Variants in SNX30 observed in about 807,000 individuals in gnomAD.
SNX30 encodes the protein sorting nexin-30.
A neutral mutation model predicts 46.4 loss-of-function variants in SNX30; 24 were observed. The ratio of observed to expected loss-of-function variants is 0.52; its 90% CI spans 0.37 to 0.73. The LOEUF is 0.73. Ranked by LOEUF, SNX30 falls within the 30% of genes least tolerant of loss-of-function variation. SNX30 has a pLI of 0.00. For synonymous variants in SNX30, 189 were observed against 211.5 expected (o/e 0.89, Z 0.92); for missense variants, 533 against 555.7 (o/e 0.96, Z 0.41).
At chr9:112,756,386 C>T (rs1254230576) in intron 1 of SNX30, among the ~76,000 whole-genome samples, 4 of 150,416 alleles carry the variant, frequency 2.7e-5, no homozygotes, top group African/African-American at 9.8e-5. Flanking sequence ...GCTGATCTGT[C>T]CAACTCTCCA....
chr9:112,819,266 C>CTTTTTTTTTT (rs35138610), intron 3 of SNX30, among the ~76,000 whole-genome samples: 112 of 116,934 alleles, frequency 9.6e-4, no homozygotes, highest in Non-Finnish European at 1.2e-3. Context: ...TTCTTTCTTT[C>CTTTTTTTTTT]TTTTTTTTTT....
chr9:112,861,810 A>G (rs1394382955), intron 7 of SNX30, among the ~76,000 whole-genome samples: 5 of 152,092 alleles, frequency 3.3e-5, no homozygotes, highest in African/African-American at 1.2e-4. Flanking sequence ...AACATCTCAC[A>G]TCTGTCATCT....
intron 6 of SNX30, among the ~76,000 whole-genome samples, chr9:112,845,509 C>T (rs1840927083): frequency 6.6e-6 from 1 of 152,154 alleles, no homozygotes. Context: ...TCCACTTTGG[C>T]AGAACTGGGG....
chr9:112,848,881 C>G (rs1840980922), intron 6 of SNX30, among the ~76,000 whole-genome samples: 1 of 152,190 alleles, frequency 6.6e-6, no homozygotes, highest in Non-Finnish European at 1.5e-5. Context: ...CCTCCCCACC[C>G]CTCGTAGTCC....
In SNX30 at chr9:112,868,789, C is replaced by T; in HGVS notation, c.1260C>T (p.Leu420=). The T allele has an allele frequency of 6.2e-7, 1 of 1,614,070 alleles. No homozygotes were observed. The highest frequency in any genetic ancestry group is 8.5e-7 in the Non-Finnish European group (1 of 1,179,918). The change falls in exon 9 of 9, where the codon CTC becomes CTT. Residue 420 remains leucine, a synonymous_variant. Coordinates refer to ENST00000374232, the MANE Select transcript of SNX30 (RefSeq NM_001012994.2). The part of the protein sequence containing the change: ...DKNIQYYEKC[L]MAWESIIPLL... ...TGTGTATGTTGTCGTTCCAGTGCCT[C>T]ATGGCGTGGGAGTCGATTATTCCAC...
At chr9:112,828,780 T>C (rs1351871897) in intron 3 of SNX30, among the ~76,000 whole-genome samples, 2 of 152,190 alleles carry the variant, frequency 1.3e-5, no homozygotes, top group Admixed American at 1.3e-4. Context: ...CTAAAAAACA[T>C]AGCACCATTT....
chr9:112,832,749 A>C (rs559551288), intron 4 of SNX30, among the ~76,000 whole-genome samples: 121 of 149,772 alleles, frequency 8.1e-4, no homozygotes, highest in African/African-American at 2.6e-3. Flanking sequence ...CACGTTGTGC[A>C]CATGTACCCT....
In SNX30 at chr9:112,850,938, G is replaced by C; in HGVS notation, c.1094G>C (p.Arg365Pro). ...GCTGTGGCTCTGCGGAAGGAAGACC[G>C]CCCCAAGGTCAGGGAAGCCACCTGG... ...LEAVALRKED[R>P]PKVPADVEKC... Residue 365 changes from arginine (R) to proline (P), a missense_variant, in exon 7 of 9, where the codon CGC becomes CCC. By Grantham distance (103) the Arg-to-Pro change is moderately radical (BLOSUM62 -2). Coordinates refer to ENST00000374232, the MANE Select transcript of SNX30 (RefSeq NM_001012994.2). The C allele has an allele frequency of 6.2e-7, 1 of 1,613,864 alleles. No individual in the cohort carries two copies.
intron 1 of SNX30, among the ~76,000 whole-genome samples, chr9:112,767,612 CAG>C (rs147491778): frequency 0.068 from 10,357 of 151,854 alleles, 449 homozygotes; most frequent in Non-Finnish European, 0.099. Context: ...TTTTTTGAGA[CAG>C]AGTCTCACTC....
intron 7 of SNX30, among the ~76,000 whole-genome samples, chr9:112,862,719 T>C (rs1373929797): frequency 6.6e-6 from 1 of 151,822 alleles, no homozygotes; most frequent in Non-Finnish European, 1.5e-5. Context: ...CTGGACAACA[T>C]AGCGCCACCA....
intron 3 of SNX30, among the ~76,000 whole-genome samples, chr9:112,818,503 T>C (rs1490717658): frequency 6.6e-6 from 1 of 152,248 alleles, no homozygotes; most frequent in East Asian, 1.9e-4. Flanking sequence ...GTGCCGGGAT[T>C]ACGGGTGTGA....
chr9:112,850,274 C>T (rs577915298), intron 6 of SNX30, among the ~76,000 whole-genome samples: 2 of 152,320 alleles, frequency 1.3e-5, no homozygotes, highest in Admixed American at 6.5e-5. Flanking sequence ...CACATACAGG[C>T]GCATACTGTG....
intron 1 of SNX30, among the ~76,000 whole-genome samples, chr9:112,761,697 A>T (rs1234623582): frequency 6.6e-6 from 1 of 152,108 alleles, no homozygotes; most frequent in African/African-American, 2.4e-5. Flanking sequence ...GGGGGCGCAG[A>T]CCGGGAAGCA....
At chr9:112,809,009 G>T (rs1052973807) in intron 2 of SNX30, among the ~76,000 whole-genome samples, 1 of 152,096 alleles carries the variant, frequency 6.6e-6, no homozygotes, top group Non-Finnish European at 1.5e-5. Context: ...ATGGGTGGTG[G>T]AGCTAGAACT....
At chr9:112,787,754 A>G (rs1466969457) in intron 1 of SNX30, among the ~76,000 whole-genome samples, 2 of 150,210 alleles carry the variant, frequency 1.3e-5, no homozygotes, top group Admixed American at 1.3e-4. Flanking sequence ...GACAGTCCCT[A>G]TTGTAGAGGA....
chr9:112,768,517 T>G (rs536426281), intron 1 of SNX30, among the ~76,000 whole-genome samples: 1 of 152,146 alleles, frequency 6.6e-6, no homozygotes, highest in Non-Finnish European at 1.5e-5. Context: ...GGCTAAGCAT[T>G]CAGATCCTCC....
intron 4 of SNX30, among the ~76,000 whole-genome samples, chr9:112,834,882 A>ACACACACCC (rs56385707): frequency 9.5e-6 from 1 of 105,252 alleles, no homozygotes; most frequent in African/African-American, 3.0e-5. Flanking sequence ...ACACACACAC[A>ACACACACCC]CCTACCTCAA....
At chr9:112,774,446 T>G (rs894506097) in intron 1 of SNX30, among the ~76,000 whole-genome samples, 1 of 152,208 alleles carries the variant, frequency 6.6e-6, no homozygotes, top group African/African-American at 2.4e-5. Context: ...CAATAAATTA[T>G]GTAATTTAGA....
chr9:112,833,848 C>T (rs962410440), intron 4 of SNX30, among the ~76,000 whole-genome samples: 16 of 152,094 alleles, frequency 1.1e-4, no homozygotes, highest in Non-Finnish European at 1.6e-4. Context: ...TGTGGGAGGT[C>T]AGAAGGGGAG....
Sources: gnomAD v4.1 joint callset for allele counts (sites outside exome capture counted in the v4.1 genomes callset) on GRCh38, gnomAD v4.1.1 for gene constraint, MANE v1.5 for transcripts, NCBI Gene and HGNC (gene_info 2026-07-23, HGNC 2026-07-21) for gene names.